Variants in HEXA observed in about 807,000 individuals in gnomAD.
The protein encoded by HEXA is hexosaminidase subunit alpha.
HEXA carries 54 observed loss-of-function variants against 73.3 expected under a neutral mutation model. The observed-to-expected ratio is 0.74, with a 90% confidence interval of 0.59 to 0.92. The LOEUF is 0.92. Ranked by LOEUF, HEXA falls within the 40% of genes least tolerant of loss-of-function variation. The probability of loss-of-function intolerance (pLI) is 0.00; values close to 1 mark genes in which losing one functional copy is unlikely to be tolerated. For missense variants in HEXA, 649 were observed against 653.0 expected, an observed-to-expected ratio of 0.99 and a Z score of 0.07; for synonymous variants, 230 against 246.9, an observed-to-expected ratio of 0.93 and a Z score of 0.64.
chr15:72,358,285 C>T (rs1052217421), intron 1 of HEXA: 20 of 152,122 alleles, frequency 1.3e-4, no homozygotes, highest in Non-Finnish European at 2.5e-4. Flanking sequence ...AAAAGACAGC[C>T]GAAGTCCTGA....
chr15:72,370,767 G>A (rs778471888), intron 1 of HEXA: 6 of 395,142 alleles, frequency 1.5e-5, no homozygotes, highest in Middle Eastern at 6.3e-4. Flanking sequence ...GAAGACTGCA[G>A]GCCAAGCTAA....
intron 10 of HEXA, 68 bp downstream of exon 10, chr15:72,347,618 A>G (rs2088633348): frequency 8.2e-7 from 1 of 1,215,760 alleles, no homozygotes; most frequent in African/African-American, 1.5e-5. Context: ...CTGTAGAGGC[A>G]GGGAGGAGCT....
chr15:72,357,001 A>C (rs1595804379), intron 1 of HEXA: 2 of 350,048 alleles, frequency 5.7e-6, no homozygotes, highest in East Asian at 1.3e-4. Context: ...GCCAATTTGC[A>C]AACTGTGTTA....
intron 2 of HEXA, chr15:72,355,947 GTCT>G (rs1595803641): frequency 2.0e-6 from 1 of 488,218 alleles, no homozygotes. Context: ...GATGAAAGAA[GTCT>G]TCTCCTGGCA....
intron 6 of HEXA, 110 bp downstream of exon 6, chr15:72,351,023 T>C (rs1406767186): frequency 1.3e-5 from 10 of 765,798 alleles, no homozygotes; most frequent in African/African-American, 3.4e-5. Context: ...TTCCCCTATA[T>C]TGGTCTAAAA....
intron 1 of HEXA, among the ~76,000 whole-genome samples, chr15:72,370,876 C>A (rs969499372): frequency 6.6e-6 from 1 of 152,090 alleles, no homozygotes; most frequent in African/African-American, 2.4e-5. Context: ...ACAATTTATT[C>A]ATCACTGTAT....
At position 72,348,059 on chromosome 15, in the gene HEXA, G is replaced by T; in HGVS notation, c.1062C>A (p.Phe354Leu). Residue 354 changes from phenylalanine (F) to leucine (L), a missense_variant, in exon 9 of 14, where the codon TTC becomes TTA. By Grantham distance (22) the Phe-to-Leu change is conservative (BLOSUM62 0). Coordinates refer to ENST00000268097, the MANE Select transcript of HEXA (RefSeq NM_000520.6). ...FGEDFKQLES[F>L]YIQTLLDIVS... ...CCTTCCTTCCTCACGTCTGGATGTA[G>T]AAGGACTCCAGCTGCTTGAAGTCCT... is the stretch of plus-strand genomic sequence containing the variant. 1 of 1,607,584 alleles carries T rather than the reference G, an allele frequency of 6.2e-7. No individual in the cohort carries two copies. The highest frequency in any genetic ancestry group is 8.5e-7 in the Non-Finnish European group (1 of 1,174,058).
chr15:72,348,299 T>C (rs547018198), intron 8 of HEXA, among the ~76,000 whole-genome samples, 165 bp from the exon 9 acceptor site: 35 of 152,318 alleles, frequency 2.3e-4, no homozygotes, highest in African/African-American at 7.7e-4. Context: ...AGCAAAGTTA[T>C]GTGAAGCAGG....
At position 72,343,519 on chromosome 15, in the gene HEXA, TA is replaced by T. The variant is rs1361216264; in HGVS notation, c.*557del. The T allele has an allele frequency of 6.4e-6, 1 of 156,552 alleles. No homozygotes were observed. The highest frequency in any genetic ancestry group is 1.4e-5 in the Non-Finnish European group (1 of 70,362). The allele number at this position is 156,552 out of a possible 1,614,324, so 9.7% of individuals were successfully genotyped here. ...CAAGAAACCCAAAGGAGAATAGCTCTAGGGGAGGGAGGTGGATGAGTATGCA... is the reference window on the plus strand; with the variant it reads ...CAAGAAACCCAAAGGAGAATAGCTCTGGGGAGGGAGGTGGATGAGTATGCA... On this transcript the variant is annotated 3_prime_UTR_variant, in exon 14 of 14. Transcript: ENST00000268097.
At chr15:72,362,113 G>A (rs1422215024) in intron 1 of HEXA, among the ~76,000 whole-genome samples, 2 of 152,152 alleles carry the variant, frequency 1.3e-5, no homozygotes, top group Non-Finnish European at 2.9e-5. Flanking sequence ...AATGAACAAT[G>A]AACTCTTAAC....
In HEXA at chr15:72,356,626, A is replaced by G. The variant is rs2140329117; in HGVS notation, c.254-9T>C. The G allele has an allele frequency of 6.2e-7, 1 of 1,614,016 alleles. No homozygotes were observed. The highest frequency in any genetic ancestry group is 2.2e-5 in the East Asian group (1 of 44,880). On this transcript the variant is annotated splice_polypyrimidine_tract_variant and intron_variant, in intron 1 of 13. Transcript: ENST00000268097. ...CAGTGTATGCCGTTTCCCTAGGAAG[A>G]CAGGGTAAGCTTGGTGCGGCCAACC...
chr15:72,374,327 A>C (rs1384571575), intron 1 of HEXA, among the ~76,000 whole-genome samples: 1 of 152,176 alleles, frequency 6.6e-6, no homozygotes, highest in African/African-American at 2.4e-5. Flanking sequence ...AAGGATTCAG[A>C]GGAAAATGTG....
intron 1 of HEXA, chr15:72,370,016 A>G (rs916665950): frequency 6.6e-6 from 1 of 150,630 alleles, no homozygotes; most frequent in African/African-American, 2.4e-5. Context: ...TCCCACTATT[A>G]TACCCTCCCT....
At chr15:72,348,953 C>T (rs147509530) in intron 8 of HEXA, 126 bp downstream of exon 8, 632 of 811,414 alleles carry the variant, frequency 7.8e-4, no homozygotes, top group Non-Finnish European at 9.9e-4. Flanking sequence ...GGCCTAAGAC[C>T]TGAGCAATGT....
Position 72,356,524 on chromosome 15 carries a change from C to G in HEXA, c.346+1G>C, listed in dbSNP as rs797044432. ...AAGACAGGGAACAGGATGGTACTTA[C>G]AATTCTCCACTGACTCCAAAGTAGG... On this transcript the variant is annotated splice_donor_variant, in intron 2 of 13. Coordinates refer to ENST00000268097, the MANE Select transcript of HEXA (RefSeq NM_000520.6). LOFTEE classifies it high-confidence loss of function. 2 of 1,613,906 alleles carry G rather than the reference C, an allele frequency of 1.2e-6. No homozygotes were observed. The highest frequency in any genetic ancestry group is 1.3e-5 in the African/African-American group (1 of 74,920).
chr15:72,363,247 AAAAC>A (rs1244855319), intron 1 of HEXA, among the ~76,000 whole-genome samples: 1 of 152,242 alleles, frequency 6.6e-6, no homozygotes, highest in Non-Finnish European at 1.5e-5. Flanking sequence ...GTTAAAAAGA[AAAAC>A]AAACCCTGGT....
At chr15:72,370,662 A>C (rs1019016243) in intron 1 of HEXA, 44 of 389,234 alleles carry the variant, frequency 1.1e-4, no homozygotes, top group African/African-American at 8.6e-4. Context: ...ACACCACTGC[A>C]CTCCAGTCTG....
intron 5 of HEXA, among the ~76,000 whole-genome samples, chr15:72,352,766 C>T (rs889928406): frequency 1.1e-4 from 17 of 151,816 alleles, no homozygotes; most frequent in Non-Finnish European, 1.9e-4. Flanking sequence ...TGGGTTCATG[C>T]GATTCTCCTG....
At chr15:72,350,712 C>T (rs2088683751) in intron 6 of HEXA, 62 bp from the exon 7 acceptor site, 17 of 1,598,736 alleles carry the variant, frequency 1.1e-5, no homozygotes, top group Non-Finnish European at 1.5e-5. Context: ...GTAGAAGATA[C>T]TCAAAATGCC....
Sources: gnomAD v4.1 joint callset for allele counts (sites outside exome capture counted in the v4.1 genomes callset) on GRCh38, gnomAD v4.1.1 for gene constraint, MANE v1.5 for transcripts, NCBI Gene and HGNC (gene_info 2026-07-23, HGNC 2026-07-21) for gene names.